Variants in ABCC12 observed in about 807,000 individuals in gnomAD.
ABCC12 encodes ATP binding cassette subfamily C member 12.
ABCC12 carries 142 observed loss-of-function variants against 151.1 expected under a neutral mutation model. The ratio of observed to expected loss-of-function variants is 0.94; its 90% confidence interval spans 0.82 to 1.08. ABCC12 has a LOEUF of 1.08. ABCC12 is among the 50% of genes least tolerant of loss of function. The probability of loss-of-function intolerance (pLI) is 0.00; values close to 1 mark genes in which losing one functional copy is unlikely to be tolerated. For synonymous variants in ABCC12, 645 were observed against 646.4 expected (o/e 1.00, Z 0.03); for missense variants, 1,638 against 1,691.1 (o/e 0.97, Z 0.55).
chr16:48,104,325 C>T lies in ABCC12; in HGVS notation c.2717G>A (p.Gly906Asp). The T allele has an allele frequency of 6.2e-7, 1 of 1,614,204 alleles. No homozygotes were observed. The highest frequency in any genetic ancestry group is 1.1e-5 in the South Asian group (1 of 91,080). The stretch of plus-strand genomic sequence containing the variant: ...CTTGGAAAAACGGTTCATTAGCCTG[C>T]CAGTGGGAGTCGTGTCAAAGAAACT... ...PMSFFDTTPTGRLMNRFSKDM... is the reference protein window; with the variant it reads ...PMSFFDTTPTDRLMNRFSKDM... The change falls in exon 22 of 31, where the codon GGC becomes GAC. Residue 906 changes from glycine to aspartate, a missense_variant. Gly to Asp is a moderately conservative substitution (Grantham distance 94). Transcript: ENST00000311303.
chr16:48,100,826 G>T, intron 23 of ABCC12, 46 bp downstream of exon 23: 1 of 1,601,650 alleles, frequency 6.2e-7, no homozygotes, highest in Non-Finnish European at 8.5e-7. Flanking sequence ...ATCGGAGTCA[G>T]GCATGAAGCA....
chr16:48,116,382 G>C (rs531201662), intron 14 of ABCC12, among the ~76,000 whole-genome samples: 1 of 152,184 alleles, frequency 6.6e-6, no homozygotes, highest in African/African-American at 2.4e-5. Context: ...TTTCACAAGC[G>C]CCTGCTGAAG....
Position 48,140,721 on chromosome 16 carries a change from G to A in ABCC12, c.623C>T (p.Ser208Phe). 6.2e-7 allele frequency: 1 copy of A among 1,614,204 alleles called. No homozygotes were observed. The highest frequency in any genetic ancestry group is 1.1e-5 in the South Asian group (1 of 91,070). ...AGAGATGTGGGTCAATGTCTTGAAG[G>A]ACACTAGGTTTTCAAAAACCAAGGT... The part of the protein sequence containing the change: ...LSTLVFENLV[S>F]FKTLTHISVG... Residue 208 changes from serine (S) to phenylalanine (F), a missense_variant, in exon 6 of 31, where the codon TCC becomes TTC. By Grantham distance (155) the Ser-to-Phe change is radical. Coordinates refer to ENST00000311303, the MANE Select transcript of ABCC12 (RefSeq NM_001393797.1).
At chr16:48,084,904 T>C (rs1357562803) in intron 29 of ABCC12, among the ~76,000 whole-genome samples, 1 of 152,132 alleles carries the variant, frequency 6.6e-6, no homozygotes, top group Non-Finnish European at 1.5e-5. Flanking sequence ...CTGACTCTGC[T>C]TGACTGGCCA....
In ABCC12 at chr16:48,138,360, G is replaced by A. The variant is rs749598880; in HGVS notation, c.847C>T (p.Leu283Phe). ...FIPVQMFMAK[L>F]NSAFRRSAIL... ...GCTGACCTTCGGAAAGCTGAATTGA[G>A]CTTGGCCATAAACATCTGAAATCAA... is the stretch of plus-strand genomic sequence containing the variant. The change falls in exon 8 of 31, where the codon CTC becomes TTC. Residue 283 changes from leucine to phenylalanine, a missense_variant. Coordinates refer to ENST00000311303, the MANE Select transcript of ABCC12 (RefSeq NM_001393797.1). The A allele has an allele frequency of 6.2e-7, 1 of 1,613,312 alleles. No homozygotes were observed. Among genetic ancestry groups the A allele is most frequent in the South Asian group, 1.1e-5 (1 of 90,950 alleles).
chr16:48,115,604 G>GC lies in ABCC12; in HGVS notation c.1799dup (p.Leu601ProfsTer12). ...GCCTCTGCCCCCCAGAGAGGTTGAGGCCCCGCTCCCCAATCTGTGGACAGG... is the reference window on the plus strand; with the variant it reads ...GCCTCTGCCCCCCAGAGAGGTTGAGGCCCCCGCTCCCCAATCTGTGGACAGG... On this transcript the variant is annotated frameshift_variant, in exon 15 of 31. Coordinates refer to ENST00000311303, the MANE Select transcript of ABCC12 (RefSeq NM_001393797.1). LOFTEE classifies it high-confidence loss of function. 6.2e-7 allele frequency: 1 copy of GC among 1,613,658 alleles called. No individual in the cohort carries two copies. Among genetic ancestry groups the GC allele is most frequent in the Non-Finnish European group, 8.5e-7 (1 of 1,179,758 alleles).
At chr16:48,110,383 G>C (rs1251515785) in intron 18 of ABCC12, among the ~76,000 whole-genome samples, 1 of 152,026 alleles carries the variant, frequency 6.6e-6, no homozygotes, top group Non-Finnish European at 1.5e-5. Flanking sequence ...TCTTAAATTT[G>C]ATGAAATGTG....
At chr16:48,154,451 C>T (rs193031661) in intron 1 of ABCC12, among the ~76,000 whole-genome samples, 2 of 152,210 alleles carry the variant, frequency 1.3e-5, no homozygotes, top group Admixed American at 1.3e-4. Context: ...AATCCACTTA[C>T]GTTGAGCACG....
intron 20 of ABCC12, among the ~76,000 whole-genome samples, chr16:48,106,616 T>C (rs1963501284): frequency 6.6e-6 from 1 of 152,160 alleles, no homozygotes; most frequent in African/African-American, 2.4e-5. Flanking sequence ...GCCTCTCCCC[T>C]GCCCCCATCT....
chr16:48,138,805 AT>A (rs112593695), intron 7 of ABCC12, among the ~76,000 whole-genome samples: 11,998 of 148,260 alleles, frequency 0.081, 1,549 homozygotes, highest in African/African-American at 0.28. Flanking sequence ...TATCTCTACA[AT>A]TTTTTTTTTT....
At chr16:48,105,939 A>C (rs968740471) in intron 20 of ABCC12, among the ~76,000 whole-genome samples, 1 of 152,138 alleles carries the variant, frequency 6.6e-6, no homozygotes, top group Non-Finnish European at 1.5e-5. Context: ...AGTGAATACA[A>C]GTGGCTTTCA....
chr16:48,116,305 C>T (rs987216689), intron 14 of ABCC12, among the ~76,000 whole-genome samples: 12 of 152,166 alleles, frequency 7.9e-5, no homozygotes, highest in Non-Finnish European at 5.9e-5. Flanking sequence ...CAAGAGAAGT[C>T]CCCTCTCCCT....
chr16:48,140,070 C>T (rs1344721019), intron 6 of ABCC12, among the ~76,000 whole-genome samples: 1 of 152,138 alleles, frequency 6.6e-6, no homozygotes, highest in East Asian at 1.9e-4. Flanking sequence ...CTATATGCAA[C>T]TGAATCTAAT....
Position 48,097,908 on chromosome 16 carries a change from C to G in ABCC12, c.3039-1006G>C, listed in dbSNP as rs1369043286. On this transcript the variant is annotated intron_variant, in intron 23 of 30. Coordinates refer to ENST00000311303, the MANE Select transcript of ABCC12 (RefSeq NM_001393797.1). ...ACATCTGCACAGTGCATTGCAGCAG[C>G]AGGAAAGGATAGCAGAAAGGAGAGA... Among the ~76,000 whole-genome samples the G allele has an allele frequency of 2.0e-5, 3 of 152,114 alleles. 1 individual carries two copies. The highest frequency in any genetic ancestry group is 4.4e-5 in the Non-Finnish European group (3 of 68,024).
Position 48,141,303 on chromosome 16 carries a change from G to A in ABCC12, c.326C>T (p.Ala109Val), listed in dbSNP as rs764182014. 4 of 1,614,236 alleles carry A rather than the reference G, an allele frequency of 2.5e-6. No individual in the cohort carries two copies. The South Asian group carries it at 4.4e-5, about 18-fold the overall frequency. The part of the protein sequence containing the change: ...EEVARVGPEK[A>V]SLSHVVWKFQ... ...TTTCCACACCACGTGGCTCAGAGAG[G>A]CCTTCTCAGGACCCACCCTTGCTAC... The change falls in exon 5 of 31, where the codon GCC (alanine) becomes GTC (valine). Residue 109 changes from alanine to valine, a missense_variant. Physicochemically the swap from Ala to Val is moderately conservative, Grantham distance 64 (BLOSUM62 0). Coordinates refer to ENST00000311303, the MANE Select transcript of ABCC12 (RefSeq NM_001393797.1).
chr16:48,085,206 A>G (rs1039133322), intron 29 of ABCC12, among the ~76,000 whole-genome samples: 3 of 152,132 alleles, frequency 2.0e-5, no homozygotes, highest in African/African-American at 7.2e-5. Flanking sequence ...ATAAGTATAA[A>G]TTCTACAATT....
intron 3 of ABCC12, 32 bp downstream of exon 3, chr16:48,146,274 T>G: frequency 6.3e-7 from 1 of 1,591,248 alleles, no homozygotes; most frequent in Non-Finnish European, 8.6e-7. Flanking sequence ...GGTCCTGCCC[T>G]GGCCCTCCCT....
In ABCC12 at chr16:48,115,404, T is replaced by G. The variant is rs371007165; in HGVS notation, c.1989+11A>C. On this transcript the variant is annotated intron_variant, in intron 15 of 30. Transcript: ENST00000311303. ...ATCCCGTGACCTCCTGGATCCTGCA[T>G]GTCCCATCACCTGTAGCTGGTGGGT... is the stretch of plus-strand genomic sequence containing the variant. 12 of 1,613,360 alleles carry G rather than the reference T, an allele frequency of 7.4e-6. No individual in the cohort carries two copies. Among genetic ancestry groups the G allele is most frequent in the Non-Finnish European group, 1.0e-5 (12 of 1,179,650 alleles).
At chr16:48,100,312 G>C (rs754963916) in intron 23 of ABCC12, among the ~76,000 whole-genome samples, 1 of 152,204 alleles carries the variant, frequency 6.6e-6, no homozygotes, top group South Asian at 2.1e-4. Context: ...GAAGATGCCA[G>C]AGAGATTTAC....
Sources: allele counts gnomAD v4.1 joint callset (sites outside exome capture counted in the v4.1 genomes callset), GRCh38; gene constraint gnomAD v4.1.1; transcripts MANE v1.5; gene names NCBI Gene and HGNC (gene_info 2026-07-23, HGNC 2026-07-21).